The following ZNF875 variants were observed in gnomAD, a reference collection of about 807,000 sequenced individuals.
ZNF875 encodes the protein HKR1, GLI-Kruppel zinc finger family member.
In ZNF875, 14 loss-of-function variants were observed where a neutral mutation model predicts 11.2. The observed-to-expected ratio is 1.26, with a 90% CI of 0.83 to 1.96. ZNF875 has a LOEUF of 1.96. ZNF875 is among the 30% of genes most tolerant of loss of function. ZNF875 has a pLI of 0.00. For missense variants in ZNF875, 752 were observed against 760.4 expected (o/e 0.99, Z 0.13); for synonymous variants, 301 against 281.1 (o/e 1.07, Z -0.71).
At chr19:37,341,765 A>G (rs920126501) in intron 2 of ZNF875, among the ~76,000 whole-genome samples, 1 of 152,176 alleles carries the variant, frequency 6.6e-6, no homozygotes, top group Admixed American at 6.5e-5. Context: ...AACAGTCTGG[A>G]TGTAGCTAAA....
rs756250183 is a variant in ZNF875 at position 37,347,275 on chromosome 19, G to A, written c.119G>A (p.Arg40Lys). The A allele has an allele frequency of 1.2e-6, 2 of 1,614,128 alleles. No individual in the cohort carries two copies. Among genetic ancestry groups the A allele is most frequent in the East Asian group, 2.2e-5 (1 of 44,880 alleles). The change falls in exon 3 of 5, where the codon AGG (arginine) becomes AAG (lysine). Residue 40 changes from arginine (R) to lysine (K), a missense_variant. Coordinates refer to ENST00000392153, the MANE Select transcript of ZNF875 (RefSeq NM_001353803.2). ...LLSPAQRTLH[R>K]EVMLETYNHL... The stretch of plus-strand genomic sequence containing the variant: ...AGCCCTGCTCAGAGGACCCTGCACA[G>A]GGAGGTGATGCTGGAGACTTATAAC...
In ZNF875 at chr19:37,335,201, A is replaced by T. The variant is rs1228213505; in HGVS notation, c.-24A>T. ...TTCTGAGACTTTGCCCTTCTCCAGGAAGAGCACTCAGGAGACCAGGAAAAT... is the reference window on the plus strand; with the variant it reads ...TTCTGAGACTTTGCCCTTCTCCAGGTAGAGCACTCAGGAGACCAGGAAAAT... On this transcript the variant is annotated 5_prime_UTR_variant, in exon 2 of 5. Coordinates refer to ENST00000392153, the MANE Select transcript of ZNF875 (RefSeq NM_001353803.2). The T allele has an allele frequency of 2.8e-6, 2 of 702,380 alleles. No individual in the cohort carries two copies. Among genetic ancestry groups the T allele is most frequent in the Non-Finnish European group, 5.2e-6 (2 of 384,664 alleles). The allele number at this position is 702,380 out of a possible 1,614,324, so 43.5% of individuals were successfully genotyped here.
At chr19:37,360,656 C>T in intron 4 of ZNF875, among the ~76,000 whole-genome samples, 1 of 151,622 alleles carries the variant, frequency 6.6e-6, no homozygotes, top group African/African-American at 2.4e-5. Context: ...TCCTCCTTTC[C>T]TTTCCTTTTC....
At position 37,362,996 on chromosome 19, in the gene ZNF875, G is replaced by C; in HGVS notation, c.1144G>C (p.Val382Leu). The change falls in exon 5 of 5, where the codon GTC becomes CTC. Residue 382 changes from valine (V) to leucine (L), a missense_variant. By Grantham distance (32) the Val-to-Leu change is conservative. Coordinates refer to ENST00000392153, the MANE Select transcript of ZNF875 (RefSeq NM_001353803.2). ...GRGFRQHSHL[V>L]RHKRTHSGEK... Reference sequence around the variant, plus strand: ...TGGCTTTCGCCAGCATTCACACCTGGTCAGACACAAGAGGACACATTCAGG... The same window carrying C: ...TGGCTTTCGCCAGCATTCACACCTGCTCAGACACAAGAGGACACATTCAGG... The C allele has an allele frequency of 6.2e-7, 1 of 1,613,754 alleles. No homozygotes were observed. Among genetic ancestry groups the C allele is most frequent in the South Asian group, 1.1e-5 (1 of 91,048 alleles).
rs934080706 is a variant in ZNF875 at position 37,344,632 on chromosome 19, C to T, written c.34-2558C>T. On this transcript the variant is annotated intron_variant, in intron 2 of 4. Transcript: ENST00000392153. The stretch of plus-strand genomic sequence containing the variant: ...CAGCTGGCAAGCAGATGAATTAACT[C>T]CCCCAAGCTTCTAGCTGTGTTTCTA... 5 of 1,517,360 alleles carry T rather than the reference C, an allele frequency of 3.3e-6. No homozygotes were observed. In the African/African-American group the frequency reaches 6.9e-5, roughly 21 times the overall value. The allele number at this position is 1,517,360 out of a possible 1,614,324, so 94.0% of individuals were successfully genotyped here. A position where few individuals can be genotyped will look rare whatever the true frequency, so the allele number is the denominator to read the frequency against.
intron 4 of ZNF875, among the ~76,000 whole-genome samples, chr19:37,326,664 C>CTTTTTTTTTT (rs35805509): frequency 1.4e-4 from 12 of 88,098 alleles, no homozygotes; most frequent in African/African-American, 2.6e-4. Flanking sequence ...AATTAGAAAG[C>CTTTTTTTTTT]TTTTTTTTTT....
chr19:37,347,781 T>C lies in ZNF875; in HGVS notation c.165T>C (p.Ile55=). The change falls in exon 4 of 5, where the codon ATT becomes ATC. Residue 55 remains isoleucine, a synonymous_variant. Coordinates refer to ENST00000392153, the MANE Select transcript of ZNF875 (RefSeq NM_001353803.2). ...ETYNHLVSLE[I]PSSKPKLIAQ... is the part of the protein sequence containing the mutation. ...CATTTTCTTCCCTATGAACAGAAAT[T>C]CCATCTTCTAAACCAAAACTCATTG... 6.2e-7 allele frequency: 1 copy of C among 1,609,022 alleles called. No homozygotes were observed. Among genetic ancestry groups the C allele is most frequent in the Non-Finnish European group, 8.5e-7 (1 of 1,175,418 alleles).
chr19:37,331,545 CAT>C (rs894774875), upstream of ZNF875, among the ~76,000 whole-genome samples: 3 of 149,832 alleles, frequency 2.0e-5, no homozygotes, highest in African/African-American at 4.9e-5. Context: ...CTCTCTGAAA[CAT>C]GTGCTGTGTC....
At chr19:37,355,625 T>A (rs1661919411) in intron 4 of ZNF875, among the ~76,000 whole-genome samples, 1 of 152,206 alleles carries the variant, frequency 6.6e-6, no homozygotes, top group Non-Finnish European at 1.5e-5. Flanking sequence ...TATAATTTTG[T>A]CAACATATAG....
In ZNF875 at chr19:37,362,263, A is replaced by C. The variant is rs746288329; in HGVS notation, c.411A>C (p.Glu137Asp). The C allele has an allele frequency of 3.1e-6, 5 of 1,614,214 alleles. No individual in the cohort carries two copies. Among genetic ancestry groups the C allele is most frequent in the Non-Finnish European group, 4.2e-6 (5 of 1,180,036 alleles). The change falls in exon 5 of 5, where the codon GAA becomes GAC. Residue 137 changes from glutamate (E) to aspartate (D), a missense_variant. Glu to Asp is a conservative substitution (Grantham distance 45). Coordinates refer to ENST00000392153, the MANE Select transcript of ZNF875 (RefSeq NM_001353803.2). The part of the protein sequence containing the change: ...NPLHLGKHYP[E>D]DQKQQQDPFC... ...TCCACCTGGGAAAACACTATCCAGAAGATCAGAAACAACAGCAGGATCCAT... is the reference window on the plus strand; with the variant it reads ...TCCACCTGGGAAAACACTATCCAGACGATCAGAAACAACAGCAGGATCCAT...
chr19:37,334,683 T>A lies in ZNF875; in HGVS notation c.-156T>A. The A allele has an allele frequency of 2.2e-6, 1 of 456,080 alleles. No homozygotes were observed. The highest frequency in any genetic ancestry group is 4.4e-6 in the Non-Finnish European group (1 of 226,812). The allele number at this position is 456,080 out of a possible 1,614,324, so 28.3% of individuals were successfully genotyped here. On this transcript the variant is annotated 5_prime_UTR_variant, in exon 1 of 5. It adds an upstream start codon to the 5' untranslated region. Coordinates refer to ENST00000392153, the MANE Select transcript of ZNF875 (RefSeq NM_001353803.2). ...CGGTGGCCCAGGCGCGTTAAGCTGGTTGGGACCCGGGAAGGCCTCCCTCTT... is the reference window on the plus strand; with the variant it reads ...CGGTGGCCCAGGCGCGTTAAGCTGGATGGGACCCGGGAAGGCCTCCCTCTT...
upstream of ZNF875, among the ~76,000 whole-genome samples, chr19:37,313,492 C>T (rs1322454361): frequency 6.6e-6 from 1 of 152,168 alleles, no homozygotes; most frequent in Admixed American, 6.5e-5. Flanking sequence ...ACTGATTCCA[C>T]ACACATCCCA....
intron 1 of ZNF875, among the ~76,000 whole-genome samples, chr19:37,318,768 G>T (rs968093545): frequency 6.6e-6 from 1 of 151,994 alleles, no homozygotes; most frequent in Non-Finnish European, 1.5e-5. Flanking sequence ...TGATCCTCCC[G>T]CCTCTGCCTC....
chr19:37,336,473 G>A (rs1444557742), intron 2 of ZNF875, among the ~76,000 whole-genome samples: 1 of 150,322 alleles, frequency 6.7e-6, no homozygotes, highest in African/African-American at 2.4e-5. Context: ...CTAATTTTTT[G>A]TATTTTTAGT....
rs780521811 is a variant in ZNF875 at position 37,363,311 on chromosome 19, T to G, written c.1459T>G (p.Phe487Val). ...PFVCTECGRG[F>V]TRKSTLSTHQ... Reference sequence around the variant, plus strand: ...TGTATGTACGGAGTGTGGGCGAGGCTTTACCCGGAAATCAACCCTGAGCAC... The same window carrying G: ...TGTATGTACGGAGTGTGGGCGAGGCGTTACCCGGAAATCAACCCTGAGCAC... The change falls in exon 5 of 5, where the codon TTT becomes GTT. Residue 487 changes from phenylalanine (F) to valine (V), a missense_variant. Phe to Val is a conservative substitution (Grantham distance 50, BLOSUM62 -1). Coordinates refer to ENST00000392153, the MANE Select transcript of ZNF875 (RefSeq NM_001353803.2). 2 of 1,610,686 alleles carry G rather than the reference T, an allele frequency of 1.2e-6. No homozygotes were observed. The highest frequency in any genetic ancestry group is 1.1e-5 in the South Asian group (1 of 90,690).
At chr19:37,338,463 G>A (rs1389917104) in intron 2 of ZNF875, among the ~76,000 whole-genome samples, 1 of 152,124 alleles carries the variant, frequency 6.6e-6, no homozygotes, top group Non-Finnish European at 1.5e-5. Context: ...GTGTTACCAG[G>A]GAAGCATTCT....
chr19:37,339,162 T>G (rs10415937), intron 2 of ZNF875, among the ~76,000 whole-genome samples: 41,806 of 151,744 alleles, frequency 0.28, 7,243 homozygotes, highest in African/African-American at 0.48. Flanking sequence ...CTTTCTCATT[T>G]GGATTTAATT....
chr19:37,329,828 GCT>G (rs762196249), upstream of ZNF875, among the ~76,000 whole-genome samples: 3 of 151,994 alleles, frequency 2.0e-5, no homozygotes, highest in East Asian at 1.9e-4. Context: ...TTTCCTGGAT[GCT>G]CTCTCTCTCT....
At chr19:37,313,839 C>A (rs1483951892), upstream of ZNF875, among the ~76,000 whole-genome samples, 1 of 151,884 alleles carries the variant, frequency 6.6e-6, no homozygotes, top group Non-Finnish European at 1.5e-5. Flanking sequence ...TTTTCATTTT[C>A]TTTCTTTTTC....
Sources: allele counts gnomAD v4.1 joint callset (sites outside exome capture counted in the v4.1 genomes callset), GRCh38; gene constraint gnomAD v4.1.1; transcripts MANE v1.5; gene names NCBI Gene and HGNC (gene_info 2026-07-23, HGNC 2026-07-21).